Variants in EML1 observed in about 807,000 individuals in gnomAD.
EML1 encodes the protein echinoderm microtubule-associated protein-like 1.
In EML1, 27 loss-of-function variants were observed where a neutral mutation model predicts 110.4. That is an observed-to-expected ratio of 0.24 (90% CI 0.18 to 0.34). The LOEUF is 0.34. Ranked by LOEUF, EML1 falls within the 10% of genes least tolerant of loss-of-function variation. EML1 has a pLI of 1.00. For synonymous variants in EML1, 344 were observed against 385.8 expected, an observed-to-expected ratio of 0.89 and a Z score of 1.27; for missense variants, 741 against 1,030.9, an observed-to-expected ratio of 0.72 and a Z score of 3.85.
Position 99,751,382 on chromosome 14 carries a change from G to A in EML1, c.28+13522G>A, listed in dbSNP as rs796594655. ...TGGGTGACCCAGCACGGAAGCAGAG[G>A]CAGCAGCAGCTGCTGAATGGTCAAT... On this transcript the variant is annotated intron_variant, in intron 1 of 10. Transcript: ENST00000554479. Among the ~76,000 whole-genome samples the A allele has an allele frequency of 1.5e-4, 23 of 152,346 alleles. 1 individual carries two copies. Among genetic ancestry groups the A allele is most frequent in the African/African-American group, 5.5e-4 (23 of 41,584 alleles).
At chr14:99,811,407 C>T (rs1396680830) in intron 1 of EML1, among the ~76,000 whole-genome samples, 1 of 147,926 alleles carries the variant, frequency 6.8e-6, no homozygotes, top group Admixed American at 6.7e-5. Flanking sequence ...TGACCGGAAC[C>T]TTACCAATAA....
At chr14:99,919,774 A>T (rs778145104) in intron 16 of EML1, among the ~76,000 whole-genome samples, 7 of 152,212 alleles carry the variant, frequency 4.6e-5, no homozygotes, top group Non-Finnish European at 8.8e-5. Flanking sequence ...AAGGTTAAAT[A>T]GCACATTAAA....
intron 19 of EML1, among the ~76,000 whole-genome samples, chr14:99,937,199 G>A (rs958763977): frequency 2.0e-5 from 3 of 152,190 alleles, no homozygotes; most frequent in Admixed American, 6.5e-5. Context: ...AGTGTGTACC[G>A]AGACTGAGCT....
intron 1 of EML1, among the ~76,000 whole-genome samples, chr14:99,765,192 C>T (rs569921322): frequency 5.3e-5 from 8 of 152,194 alleles, no homozygotes; most frequent in African/African-American, 7.2e-5. Context: ...CCTCCAGTCT[C>T]GGCCTCCCAA....
At position 99,939,118 on chromosome 14, in the gene EML1, G is replaced by A. The variant is rs368517132; in HGVS notation, c.2192-79G>A. ...TTCAGGCAGTTTCATGTTCAGGACC[G>A]TTCAGTGGGCGCTTCCTGCGCCATG... is the stretch of plus-strand genomic sequence containing the variant. On this transcript the variant is annotated intron_variant, in intron 20 of 21. Transcript: ENST00000262233. This position sits in a 1 kb window ranked among gnomAD's most constrained non-coding sequence, Gnocchi z 4.2. 34 of 1,570,330 alleles carry A rather than the reference G, an allele frequency of 2.2e-5. No homozygotes were observed. The highest frequency in any genetic ancestry group is 6.0e-5 in the South Asian group (5 of 83,916).
rs548358703 is a variant in EML1, at chr14:99,824,025, C to T, written c.68-26828C>T. Among the ~76,000 whole-genome samples the T allele has an allele frequency of 8.5e-5, 13 of 152,264 alleles. No homozygotes were observed. The South Asian group carries it at 2.3e-3, about 27-fold the overall frequency. ...GGAATGGAGTGCCGTGGCGCGATCT[C>T]GGTTCACTGCAACCTCTGCCTCCCG... is the stretch of plus-strand genomic sequence containing the variant. On this transcript the variant is annotated intron_variant, in intron 1 of 21. Transcript: ENST00000262233.
intron 1 of EML1, among the ~76,000 whole-genome samples, chr14:99,795,360 T>G (rs1268573804): frequency 1.3e-5 from 2 of 152,248 alleles, no homozygotes; most frequent in Non-Finnish European, 2.9e-5. Flanking sequence ...TGTAGAAGTA[T>G]TGGTTTAAAG....
chr14:99,912,331 C>A (rs2140055578), intron 13 of EML1, among the ~76,000 whole-genome samples: 1 of 152,174 alleles, frequency 6.6e-6, no homozygotes, highest in Middle Eastern at 3.4e-3. Flanking sequence ...CCCGGTGTAC[C>A]TCCCCATTAT....
At chr14:99,874,917 C>A (rs2059264094) in intron 3 of EML1, 1 of 1,605,534 alleles carries the variant, frequency 6.2e-7, no homozygotes, top group East Asian at 2.2e-5. Context: ...TATTTCTGTG[C>A]CTCTTATATG....
At chr14:99,868,963 C>T (rs1043520876) in intron 3 of EML1, among the ~76,000 whole-genome samples, 4 of 152,144 alleles carry the variant, frequency 2.6e-5, no homozygotes, top group Admixed American at 1.3e-4. Flanking sequence ...CCTCTTAGTA[C>T]CCCTTTCACT....
chr14:99,909,599 A>G, intron 11 of EML1, 120 bp downstream of exon 11: 1 of 1,285,830 alleles, frequency 7.8e-7, no homozygotes, highest in Admixed American at 1.9e-5. Context: ...ATAGTTGGGA[A>G]GCGTGTCACA....
rs1014722009 is a variant in EML1, at chr14:99,811,582, C to T, written c.67+18039C>T. On this transcript the variant is annotated intron_variant, in intron 1 of 21. Transcript: ENST00000262233. ...CTTTGGGTGGCCAAGGCGGGAGGAT[C>T]ACTTGACCCTAGGAGTTTTAGATCA... Among the ~76,000 whole-genome samples the T allele has an allele frequency of 1.3e-5, 2 of 148,214 alleles. 1 individual carries two copies. Among genetic ancestry groups the T allele is most frequent in the Non-Finnish European group, 3.0e-5 (2 of 67,332 alleles).
intron 5 of EML1, among the ~76,000 whole-genome samples, chr14:99,893,194 A>G (rs1413767219): frequency 6.6e-6 from 1 of 152,176 alleles, no homozygotes; most frequent in Admixed American, 6.5e-5. Flanking sequence ...CTGGCAGGGC[A>G]TTTAGACCTG....
chr14:99,909,211 A>G (rs140490771), intron 10 of EML1, 134 bp from the exon 11 acceptor site: 40 of 1,344,794 alleles, frequency 3.0e-5, no homozygotes, highest in South Asian at 9.4e-5. Flanking sequence ...GATGGATTCA[A>G]TGGGGGAAAT....
rs191943453 is a variant in EML1, at chr14:99,755,914, C to T, written c.28+18054C>T. ...CCTGGCCCAGGGTAGCACAGGGCTA[C>T]TTCACAGGCGAGGAACCCGAGGCTT... is the stretch of plus-strand genomic sequence containing the variant. On this transcript the variant is annotated intron_variant, in intron 1 of 10. Transcript: ENST00000554479. Among the ~76,000 whole-genome samples, 465 of 152,280 alleles carry T rather than the reference C, an allele frequency of 3.1e-3. 8 individuals carry two copies. The highest frequency in any genetic ancestry group is 0.027 in the Admixed American group (407 of 15,300).
intron 1 of EML1, among the ~76,000 whole-genome samples, chr14:99,801,098 G>A (rs569386178): frequency 6.6e-6 from 1 of 152,360 alleles, no homozygotes; most frequent in East Asian, 1.9e-4. Flanking sequence ...GCCCCTGTAA[G>A]GGAGACCCAC....
At chr14:99,898,200 C>T in intron 7 of EML1, 33 bp from the exon 8 acceptor site, 3 of 1,539,956 alleles carry the variant, frequency 1.9e-6, no homozygotes, top group South Asian at 2.5e-5. Flanking sequence ...TTACCTGCAA[C>T]ATGTAGATGT....
At chr14:99,841,011 T>G in intron 1 of EML1, among the ~76,000 whole-genome samples, 1 of 152,194 alleles carries the variant, frequency 6.6e-6, no homozygotes, top group Non-Finnish European at 1.5e-5. Flanking sequence ...CCCAGACCCA[T>G]GGCATCCCTT....
intron 1 of EML1, among the ~76,000 whole-genome samples, chr14:99,807,996 C>T (rs777007896): frequency 2.0e-5 from 3 of 152,098 alleles, no homozygotes; most frequent in Non-Finnish European, 4.4e-5. Flanking sequence ...CTCCTTTTTC[C>T]GTATTTAAAT....
Sources: gnomAD v4.1 joint callset for allele counts (sites outside exome capture counted in the v4.1 genomes callset) on GRCh38, gnomAD v4.1.1 for gene constraint, Gnocchi (gnomAD v3.1) non-coding constraint, MANE v1.5 for transcripts, NCBI Gene and HGNC (gene_info 2026-07-23, HGNC 2026-07-21) for gene names.